The following SLMAP variants were observed in gnomAD, a reference collection of about 807,000 sequenced individuals.
SLMAP encodes the protein sarcolemma associated protein, also known as sarcolemmal membrane-associated protein.
SLMAP carries 44 observed loss-of-function variants against 128.8 expected under a neutral mutation model. That is an observed-to-expected ratio of 0.34 (90% confidence interval 0.27 to 0.44). SLMAP has a LOEUF of 0.44. SLMAP is among the 20% of genes least tolerant of loss of function. The probability of loss-of-function intolerance (pLI) is 1.00; values close to 1 mark genes in which losing one functional copy is unlikely to be tolerated. For synonymous variants in SLMAP, 327 were observed against 348.8 expected (o/e 0.94, Z 0.70); for missense variants, 787 against 985.3 (o/e 0.80, Z 2.69).
chr3:57,904,717 G>T (rs2096484489), intron 17 of SLMAP, among the ~76,000 whole-genome samples: 1 of 152,130 alleles, frequency 6.6e-6, no homozygotes, highest in Admixed American at 6.6e-5. Flanking sequence ...TCTCCCAGGG[G>T]ACATTTGGCA....
chr3:57,782,392 G>A lies in SLMAP; in HGVS notation c.198+24543G>A, dbSNP rs191856486. ...ATTTAAACAGTTTTAGAATTAAAAA[G>A]GTGTTTTGTTACTGTGACTGAGCTT... On this transcript the variant is annotated intron_variant, in intron 2 of 24. Transcript: ENST00000671191. Among the ~76,000 whole-genome samples, 236 of 152,292 alleles carry A rather than the reference G, an allele frequency of 1.5e-3. 3 individuals carry two copies. The highest frequency in any genetic ancestry group is 0.01 in the East Asian group (54 of 5,190).
chr3:57,761,022 C>A (rs1374863176), intron 2 of SLMAP, among the ~76,000 whole-genome samples: 1 of 150,874 alleles, frequency 6.6e-6, no homozygotes, highest in East Asian at 2.0e-4. Flanking sequence ...CCACCGCGCC[C>A]GGCCAGGTTT....
chr3:57,767,078 C>T (rs2079885912), intron 2 of SLMAP, among the ~76,000 whole-genome samples: 1 of 151,996 alleles, frequency 6.6e-6, no homozygotes, highest in Non-Finnish European at 1.5e-5. Context: ...CCCAGCACAC[C>T]TGGCTAATTT....
At chr3:57,775,788 C>T (rs1312760695) in intron 2 of SLMAP, among the ~76,000 whole-genome samples, 1 of 152,132 alleles carries the variant, frequency 6.6e-6, no homozygotes. Flanking sequence ...CAACCTCTGC[C>T]TCCCGGGTTC....
At chr3:57,813,095 C>CTTT (rs200561601) in intron 2 of SLMAP, among the ~76,000 whole-genome samples, 11 of 120,858 alleles carry the variant, frequency 9.1e-5, no homozygotes, top group Admixed American at 1.7e-4. Context: ...CGTTTGGATG[C>CTTT]TTTTTTTTTT....
chr3:57,907,827 TTG>T, intron 17 of SLMAP, 55 bp from the exon 18 acceptor site: 1 of 1,530,830 alleles, frequency 6.5e-7, no homozygotes, highest in African/African-American at 1.4e-5. Context: ...CAGTCTTTTA[TTG>T]TAGATTATAG....
intron 3 of SLMAP, among the ~76,000 whole-genome samples, chr3:57,834,006 A>G (rs1431915840): frequency 2.6e-5 from 4 of 152,150 alleles, no homozygotes; most frequent in Admixed American, 2.6e-4. Context: ...AATGCTCCTG[A>G]AATTATGCAA....
intron 10 of SLMAP, among the ~76,000 whole-genome samples, chr3:57,863,659 T>A (rs998390962): frequency 6.6e-6 from 1 of 152,094 alleles, no homozygotes; most frequent in East Asian, 1.9e-4. Flanking sequence ...ATAGGACTAA[T>A]AGAGTGAGAA....
intron 2 of SLMAP, among the ~76,000 whole-genome samples, chr3:57,813,563 C>T (rs1379076416): frequency 2.6e-5 from 4 of 152,064 alleles, no homozygotes; most frequent in African/African-American, 4.8e-5. Flanking sequence ...AGGATGGTTG[C>T]GCCTGTACTA....
Position 57,849,826 on chromosome 3 carries a change from C to T in SLMAP, c.519+10C>T, listed in dbSNP as rs546096042. The T allele has an allele frequency of 8.6e-6, 12 of 1,397,210 alleles. No individual in the cohort carries two copies. The Admixed American group carries it at 1.2e-4, about 14-fold the overall frequency. 86.6% of individuals were successfully genotyped at this position (1,397,210 alleles called of 1,614,324 possible). On this transcript the variant is annotated intron_variant, in intron 6 of 24. Transcript: ENST00000671191. ...TTCTCAGTATCTACAGGTAAAAGTA[C>T]ATCTTGAGACTTCTTAAAAGCAGAA...
intron 2 of SLMAP, among the ~76,000 whole-genome samples, chr3:57,797,348 G>T (rs1179244831): frequency 2.0e-5 from 3 of 151,980 alleles, no homozygotes; most frequent in Non-Finnish European, 4.4e-5. Flanking sequence ...GCCAGGCGTG[G>T]TGGTGGGTGC....
chr3:57,837,948 T>C (rs777288839), intron 3 of SLMAP, among the ~76,000 whole-genome samples: 5 of 152,206 alleles, frequency 3.3e-5, no homozygotes, highest in Non-Finnish European at 7.3e-5. Context: ...GTTATTTTTG[T>C]TTTTGTTTTT....
Position 57,757,428 on chromosome 3 carries a change from G to C in SLMAP, c.-224G>C, listed in dbSNP as rs1436948979. ...AAGCTGCCAGTTGGGGACTTTTTGTGATCACGGCGTTGCAGCGTTTTAAAG... is the reference window on the plus strand; with the variant it reads ...AAGCTGCCAGTTGGGGACTTTTTGTCATCACGGCGTTGCAGCGTTTTAAAG... On this transcript the variant is annotated 5_prime_UTR_variant, in exon 2 of 25. Transcript: ENST00000671191. 8.6e-6 allele frequency: 5 copies of C among 580,832 alleles called. No individual in the cohort carries two copies. The highest frequency in any genetic ancestry group is 1.5e-5 in the Non-Finnish European group (5 of 325,144). The allele number at this position is 580,832 out of a possible 1,614,324, so 36.0% of individuals were successfully genotyped here.
chr3:57,875,550 G>A (rs2095585735), intron 14 of SLMAP, among the ~76,000 whole-genome samples: 1 of 152,162 alleles, frequency 6.6e-6, no homozygotes, highest in African/African-American at 2.4e-5. Flanking sequence ...AAGAAAATAA[G>A]TATTCCCAGA....
intron 2 of SLMAP, among the ~76,000 whole-genome samples, chr3:57,768,119 C>T (rs2080102286): frequency 6.6e-6 from 1 of 151,990 alleles, no homozygotes; most frequent in Non-Finnish European, 1.5e-5. Flanking sequence ...ATTTTTCATG[C>T]TTTATAAGAG....
At chr3:57,867,943 G>C (rs1040495104) in intron 13 of SLMAP, among the ~76,000 whole-genome samples, 2 of 152,110 alleles carry the variant, frequency 1.3e-5, no homozygotes, top group Admixed American at 6.6e-5. Context: ...ATGTATCTTA[G>C]AGAGTAAAGG....
chr3:57,913,331 C>T lies in SLMAP; in HGVS notation c.2138+56C>T, dbSNP rs1433401333. The stretch of plus-strand genomic sequence containing the variant: ...AAAATATTTCTTTATCTTAAATTTT[C>T]ATCTAAATTAAATTTAATTTTAATA... On this transcript the variant is annotated intron_variant, in intron 21 of 24. Coordinates refer to ENST00000671191, the MANE Select transcript of SLMAP (RefSeq NM_001377540.1). The T allele has an allele frequency of 5.5e-6, 4 of 732,316 alleles. No individual in the cohort carries two copies. In the African/African-American group the frequency reaches 7.2e-5, roughly 13 times the overall value. The allele number at this position is 732,316 out of a possible 1,614,324, so 45.4% of individuals were successfully genotyped here.
intron 2 of SLMAP, among the ~76,000 whole-genome samples, chr3:57,808,223 T>G (rs1009512609): frequency 6.6e-6 from 1 of 151,864 alleles, no homozygotes; most frequent in African/African-American, 2.4e-5. Flanking sequence ...AGATTCATAG[T>G]TTTTTTTGTA....
intron 2 of SLMAP, among the ~76,000 whole-genome samples, chr3:57,758,775 T>C (rs1191811088): frequency 6.6e-6 from 1 of 152,158 alleles, no homozygotes; most frequent in African/African-American, 2.4e-5. Flanking sequence ...TTTTAAAAAC[T>C]GTTTATTTAT....
Sources: gnomAD v4.1 joint callset for allele counts (sites outside exome capture counted in the v4.1 genomes callset) on GRCh38, gnomAD v4.1.1 for gene constraint, MANE v1.5 for transcripts, NCBI Gene and HGNC (gene_info 2026-07-23, HGNC 2026-07-21) for gene names.